The following NTF3 variants were observed in gnomAD, a reference collection of about 807,000 sequenced individuals.
The protein encoded by NTF3 is neurotrophin 3.
A neutral mutation model predicts 26.3 loss-of-function variants in NTF3; 8 were observed. The ratio of observed to expected loss-of-function variants is 0.30; its 90% CI spans 0.18 to 0.55. The LOEUF is 0.55. Ranked by LOEUF, NTF3 falls within the 20% of genes least tolerant of loss-of-function variation. The probability of loss-of-function intolerance (pLI) is 0.93; values close to 1 mark genes in which losing one functional copy is unlikely to be tolerated. For missense variants in NTF3, 276 were observed against 352.9 expected (o/e 0.78, Z 1.75); for synonymous variants, 154 against 145.5 (o/e 1.06, Z -0.42).
chr12:5,445,026 C>G (rs10744681), intron 1 of NTF3, among the ~76,000 whole-genome samples: 125,751 of 152,088 alleles, frequency 0.83, 52,012 homozygotes, highest in East Asian at 0.94. Flanking sequence ...GGGAGGACTT[C>G]TGAAACTTTT....
Position 5,495,048 on chromosome 12 carries a change from T to C in NTF3, c.*60T>C. 3 of 1,452,578 alleles carry C rather than the reference T, an allele frequency of 2.1e-6. No individual in the cohort carries two copies. The South Asian group carries it at 3.8e-5, about 18-fold the overall frequency. 90.0% of individuals were successfully genotyped at this position (1,452,578 alleles called of 1,614,324 possible). On this transcript the variant is annotated 3_prime_UTR_variant, in exon 2 of 2. Coordinates refer to ENST00000423158, the MANE Select transcript of NTF3 (RefSeq NM_001102654.2). ...TAAATTATATGATATGCATGTAGCA[T>C]ATAAATGTTTATATTGTTTTTATAT...
intron 1 of NTF3, among the ~76,000 whole-genome samples, chr12:5,448,453 G>A (rs973336267): frequency 4.6e-5 from 7 of 152,092 alleles, no homozygotes; most frequent in Admixed American, 6.5e-5. Flanking sequence ...TGTGGCTTCC[G>A]TGCTTGGCTT....
chr12:5,465,379 G>A (rs1285598988), intron 1 of NTF3, among the ~76,000 whole-genome samples: 2 of 152,222 alleles, frequency 1.3e-5, no homozygotes, highest in Non-Finnish European at 2.9e-5. Context: ...TTCTCAGGTA[G>A]TAACACCACG....
intron 1 of NTF3, among the ~76,000 whole-genome samples, chr12:5,476,450 T>C (rs998326623): frequency 6.6e-6 from 1 of 152,198 alleles, no homozygotes; most frequent in Non-Finnish European, 1.5e-5. Context: ...GCAGAGCAGA[T>C]CCTTGAGAAC....
chr12:5,457,403 C>G (rs1226685799), intron 1 of NTF3, among the ~76,000 whole-genome samples: 10 of 152,216 alleles, frequency 6.6e-5, no homozygotes, highest in Admixed American at 6.5e-4. Flanking sequence ...CCTTCTCTGG[C>G]TTTGCCTTGC....
rs117397694 is a variant in NTF3, at chr12:5,456,349, C to A, written c.18+24007C>A. On this transcript the variant is annotated intron_variant, in intron 1 of 1. Coordinates refer to ENST00000423158, the MANE Select transcript of NTF3 (RefSeq NM_001102654.2). The surrounding 1 kb of genome is among the most constrained non-coding windows in gnomAD (Gnocchi z 4.4). ...GTGAAAAATAAATGGATGGTAGCCTCCTTTTGTGATTTTTGCAGCGGCCTT... is the reference window on the plus strand; with the variant it reads ...GTGAAAAATAAATGGATGGTAGCCTACTTTTGTGATTTTTGCAGCGGCCTT... Among the ~76,000 whole-genome samples, 2,046 of 152,244 alleles carry A rather than the reference C, an allele frequency of 0.013. 19 individuals are homozygous for A. The highest frequency in any genetic ancestry group is 0.023 in the South Asian group (111 of 4,812).
rs149432420 is a variant in NTF3 at position 5,474,001 on chromosome 12, T to C, written c.19-20193T>C. Reference sequence around the variant, plus strand: ...TCTATTGCTCTTGGCTCTGAATAAATACCTTTAAAGGGTACAGGTATCCAT... The same window carrying C: ...TCTATTGCTCTTGGCTCTGAATAAACACCTTTAAAGGGTACAGGTATCCAT... On this transcript the variant is annotated intron_variant, in intron 1 of 1. Transcript: ENST00000423158. 1.6e-3 allele frequency among the ~76,000 whole-genome samples: 240 copies of C among 152,270 alleles called. 1 individual carries two copies. Among genetic ancestry groups the C allele is most frequent in the African/African-American group, 5.5e-3 (230 of 41,548 alleles).
At chr12:5,431,534 T>C (rs894943804), upstream of NTF3, among the ~76,000 whole-genome samples, 4 of 151,666 alleles carry the variant, frequency 2.6e-5, no homozygotes, top group Non-Finnish European at 5.9e-5. Context: ...CTTGGGCGTG[T>C]TCGTGCTGTG....
At position 5,481,939 on chromosome 12, in the gene NTF3, C is replaced by T. The variant is rs535546290; in HGVS notation, c.19-12255C>T. 8.6e-5 allele frequency among the ~76,000 whole-genome samples: 13 copies of T among 151,636 alleles called. No homozygotes were observed. In the South Asian group the frequency reaches 2.1e-3, roughly 24 times the overall value. ...CGGGCTTACACAGACACCACACACACGTAGATATGCACACAGCACACACAC... is the reference window on the plus strand; with the variant it reads ...CGGGCTTACACAGACACCACACACATGTAGATATGCACACAGCACACACAC... On this transcript the variant is annotated intron_variant, in intron 1 of 1. Transcript: ENST00000423158.
chr12:5,457,298 C>T (rs572859973), intron 1 of NTF3, among the ~76,000 whole-genome samples: 55 of 152,284 alleles, frequency 3.6e-4, no homozygotes, highest in African/African-American at 1.3e-3. Context: ...CTCCTCTTCA[C>T]ACCTAACTTC....
In NTF3 at chr12:5,487,264, G is replaced by A. The variant is rs376680830; in HGVS notation, c.19-6930G>A. 2.6e-4 allele frequency among the ~76,000 whole-genome samples: 40 copies of A among 152,326 alleles called. No homozygotes were observed. The East Asian group carries it at 3.5e-3, about 13-fold the overall frequency. On this transcript the variant is annotated intron_variant, in intron 1 of 1. Transcript: ENST00000423158. Reference sequence around the variant, plus strand: ...AGCGGCTGGCGCACACTGTTTTGACGTGTGCCATGCCTTCCATCTTTTACG... The same window carrying A: ...AGCGGCTGGCGCACACTGTTTTGACATGTGCCATGCCTTCCATCTTTTACG...
chr12:5,481,713 C>T (rs921874831), intron 1 of NTF3, among the ~76,000 whole-genome samples: 262 of 129,976 alleles, frequency 2.0e-3, no homozygotes, highest in African/African-American at 6.9e-3. Context: ...TAACACCACA[C>T]GCACACACCA....
At chr12:5,454,415 A>C (rs1940411979) in intron 1 of NTF3, among the ~76,000 whole-genome samples, 1 of 152,112 alleles carries the variant, frequency 6.6e-6, no homozygotes, top group Admixed American at 6.5e-5. Flanking sequence ...CTTATTTCCA[A>C]ATAAGGTCAT....
intron 1 of NTF3, among the ~76,000 whole-genome samples, chr12:5,474,378 T>C (rs1323645945): frequency 6.6e-6 from 1 of 152,166 alleles, no homozygotes; most frequent in African/African-American, 2.4e-5. Flanking sequence ...AGTCAAATAG[T>C]AGTTAGCCAG....
intron 1 of NTF3, among the ~76,000 whole-genome samples, chr12:5,458,700 A>G (rs991870140): frequency 9.2e-5 from 14 of 152,340 alleles, no homozygotes; most frequent in African/African-American, 3.4e-4. Context: ...TGTTTATCCC[A>G]TGCCACGCAA....
intron 1 of NTF3, among the ~76,000 whole-genome samples, chr12:5,473,933 T>G (rs1940694092): frequency 6.6e-6 from 1 of 152,210 alleles, no homozygotes; most frequent in Non-Finnish European, 1.5e-5. Context: ...TCTCTCAGCC[T>G]CACATGCGCA....
At position 5,432,206 on chromosome 12, in the gene NTF3, C is replaced by T. The variant is rs549180225; in HGVS notation, c.-119C>T. ...TTTCTTCTCTCTCCTTTCTTTCTTC[C>T]TCTCCTTTTTCCCCTGCTGGGTAGT... On this transcript the variant is annotated 5_prime_UTR_variant, in exon 1 of 2. Coordinates refer to ENST00000423158, the MANE Select transcript of NTF3 (RefSeq NM_001102654.2). 2 of 1,170,526 alleles carry T rather than the reference C, an allele frequency of 1.7e-6. No homozygotes were observed. Among genetic ancestry groups the T allele is most frequent in the East Asian group, 2.3e-5 (1 of 42,618 alleles). 72.5% of individuals were successfully genotyped at this position (1,170,526 alleles called of 1,614,324 possible). A position where few individuals can be genotyped will look rare whatever the true frequency, so the allele number is the denominator to read the frequency against.
intron 1 of NTF3, among the ~76,000 whole-genome samples, chr12:5,490,044 CA>C (rs1940914866): frequency 6.6e-6 from 1 of 152,132 alleles, no homozygotes; most frequent in African/African-American, 2.4e-5. Context: ...AAACTCTGAG[CA>C]GGGGAAATGG....
intron 1 of NTF3, among the ~76,000 whole-genome samples, chr12:5,472,571 G>A (rs1266701096): frequency 6.6e-6 from 1 of 152,184 alleles, no homozygotes; most frequent in Non-Finnish European, 1.5e-5. Flanking sequence ...CTCTTTCTGG[G>A]TCAGAGCTTC....
Sources: allele counts gnomAD v4.1 joint callset (sites outside exome capture counted in the v4.1 genomes callset), GRCh38; gene constraint gnomAD v4.1.1; non-coding constraint Gnocchi (gnomAD v3.1); transcripts MANE v1.5; gene names NCBI Gene and HGNC (gene_info 2026-07-23, HGNC 2026-07-21).